Variants in CHN2 observed in about 807,000 individuals in gnomAD.
CHN2 encodes the protein chimerin 2, also known as beta-chimaerin.
In CHN2, 35 loss-of-function variants were observed where a neutral mutation model predicts 56.3. The observed-to-expected ratio is 0.62, with a 90% confidence interval of 0.47 to 0.82. The LOEUF is 0.82. CHN2 is among the 40% of genes least tolerant of loss of function. The probability of loss-of-function intolerance (pLI) is 0.00; values close to 1 mark genes in which losing one functional copy is unlikely to be tolerated. For missense variants in CHN2, 491 were observed against 580.5 expected (o/e 0.85, Z 1.58); for synonymous variants, 210 against 212.8 (o/e 0.99, Z 0.12).
At chr7:29,315,277 T>C (rs1794880818) in intron 1 of CHN2, among the ~76,000 whole-genome samples, 1 of 152,180 alleles carries the variant, frequency 6.6e-6, no homozygotes, top group Non-Finnish European at 1.5e-5. Context: ...GCCTGGCAAA[T>C]CCTGCTTATT....
rs5883217 is a variant in CHN2, at chr7:29,494,950, T to TAAAAA, written c.655-975_655-971dup. On this transcript the variant is annotated intron_variant, in intron 7 of 12. Transcript: ENST00000222792. ...TTTTTTGTTAAATAAAAGCAGTTTG[T>TAAAAA]AAAAAAAAAAAAAAAAAAAAAAAAA... Among the ~76,000 whole-genome samples the TAAAAA allele has an allele frequency of 9.1e-4, 59 of 64,644 alleles. 2 individuals are homozygous for TAAAAA. The highest frequency in any genetic ancestry group is 7.6e-3 in the South Asian group (8 of 1,052). The allele number at this position is 64,644 out of a possible 152,430, so 42.4% of individuals were successfully genotyped here.
At chr7:29,290,028 G>C (rs1435194873) in intron 1 of CHN2, among the ~76,000 whole-genome samples, 6 of 152,236 alleles carry the variant, frequency 3.9e-5, no homozygotes, top group African/African-American at 7.2e-5. Context: ...AAAGCAGTTT[G>C]TTTGAAGTTC....
Position 29,400,598 on chromosome 7 carries a change from G to T in CHN2, c.346G>T (p.Gly116Cys). Reference protein sequence around the residue: ...RLFHDGKHFVGEKRFESIHDL... With the variant: ...RLFHDGKHFVCEKRFESIHDL... ...CTTCCACGACGGGAAACACTTTGTGGGTGAGAAGAGGTTTGAGTCGATTCA... is the reference window on the plus strand; with the variant it reads ...CTTCCACGACGGGAAACACTTTGTGTGTGAGAAGAGGTTTGAGTCGATTCA... Residue 116 changes from glycine to cysteine, a missense_variant, in exon 6 of 13, where the codon GGT becomes TGT. Transcript: ENST00000222792. The T allele has an allele frequency of 6.2e-7, 1 of 1,614,150 alleles. No homozygotes were observed. Among genetic ancestry groups the T allele is most frequent in the South Asian group, 1.1e-5 (1 of 91,080 alleles).
At chr7:29,268,283 A>ACACACACACACAC (rs1790307124) in intron 1 of CHN2, among the ~76,000 whole-genome samples, 2 of 134,170 alleles carry the variant, frequency 1.5e-5, no homozygotes, top group East Asian at 2.6e-4. Flanking sequence ...GCTTCACCAG[A>ACACACACACACAC]ACACACACAC....
intron 1 of CHN2, among the ~76,000 whole-genome samples, chr7:29,246,942 G>T (rs1488624602): frequency 6.6e-6 from 1 of 152,196 alleles, no homozygotes; most frequent in Non-Finnish European, 1.5e-5. Flanking sequence ...GTTAGGATTT[G>T]GCAGACACAC....
intron 6 of CHN2, among the ~76,000 whole-genome samples, chr7:29,422,583 T>C (rs1363551413): frequency 1.3e-5 from 2 of 152,220 alleles, no homozygotes; most frequent in African/African-American, 4.8e-5. Flanking sequence ...CAGTTGCTGA[T>C]GTTTTGAAAA....
In CHN2 at chr7:29,273,293, T is replaced by C. The variant is rs186261089; in HGVS notation, c.49+78303T>C. Among the ~76,000 whole-genome samples, 608 of 143,766 alleles carry C rather than the reference T, an allele frequency of 4.2e-3. 3 individuals are homozygous for C. The highest frequency in any genetic ancestry group is 0.015 in the African/African-American group (581 of 38,858). 94.3% of individuals were successfully genotyped at this position (143,766 alleles called of 152,430 possible). ...CCATGATGTGGCAAATGGAAGGATC[T>C]CCTTTTCTAAGGCTGAATAATATTC... On this transcript the variant is annotated intron_variant, in intron 1 of 12. Transcript: ENST00000222792.
At chr7:29,152,409 CT>C (rs1169012370) in intron 2 of CHN2, among the ~76,000 whole-genome samples, 9 of 152,160 alleles carry the variant, frequency 5.9e-5, no homozygotes, top group African/African-American at 2.2e-4. Context: ...TCTCTTTGTT[CT>C]CTATTCTCAG....
intron 2 of CHN2, among the ~76,000 whole-genome samples, chr7:29,153,913 C>T (rs965522913): frequency 6.6e-6 from 1 of 151,954 alleles, no homozygotes; most frequent in African/African-American, 2.4e-5. Flanking sequence ...CTCTAGCTTA[C>T]TTTCTTGTAA....
chr7:29,244,831 A>G (rs1183759594), intron 1 of CHN2, among the ~76,000 whole-genome samples: 2 of 152,186 alleles, frequency 1.3e-5, no homozygotes, highest in Non-Finnish European at 2.9e-5. Flanking sequence ...CTCTCCCTCT[A>G]TATAAACCTT....
intron 9 of CHN2, among the ~76,000 whole-genome samples, chr7:29,502,692 T>C (rs949539828): frequency 6.6e-6 from 1 of 152,150 alleles, no homozygotes; most frequent in African/African-American, 2.4e-5. Flanking sequence ...ATTACCCCCA[T>C]TTAATTATAA....
At chr7:29,177,520 C>T (rs1797508545) in intron 2 of CHN2, among the ~76,000 whole-genome samples, 1 of 151,256 alleles carries the variant, frequency 6.6e-6, no homozygotes, top group Non-Finnish European at 1.5e-5. Context: ...TCCCACAGTG[C>T]TGGGATTACA....
At chr7:29,371,401 A>G (rs531355325) in intron 3 of CHN2, among the ~76,000 whole-genome samples, 2 of 152,298 alleles carry the variant, frequency 1.3e-5, no homozygotes, top group South Asian at 2.1e-4. Context: ...CTGCAAATTA[A>G]TATTTATTGG....
chr7:29,250,488 G>T (rs1788405534), intron 1 of CHN2, among the ~76,000 whole-genome samples: 1 of 152,166 alleles, frequency 6.6e-6, no homozygotes, highest in Non-Finnish European at 1.5e-5. Context: ...AGCAACAGAG[G>T]TGTCTGATGT....
intron 1 of CHN2, among the ~76,000 whole-genome samples, chr7:29,223,527 A>G (rs1047385806): frequency 1.3e-5 from 2 of 152,104 alleles, no homozygotes; most frequent in Non-Finnish European, 1.5e-5. Flanking sequence ...TTACTTATGT[A>G]CACTTTCATA....
At chr7:29,148,163 G>A (rs1793036379) in intron 2 of CHN2, among the ~76,000 whole-genome samples, 1 of 152,218 alleles carries the variant, frequency 6.6e-6, no homozygotes. Context: ...AGCAGGCTCA[G>A]TGCCATTTGG....
intron 6 of CHN2, among the ~76,000 whole-genome samples, chr7:29,456,601 C>A (rs1196409658): frequency 7.6e-6 from 1 of 131,540 alleles, no homozygotes; most frequent in Non-Finnish European, 1.6e-5. Flanking sequence ...CTGCCCCTGC[C>A]ACCACCCGCC....
chr7:29,492,236 C>T (rs1487168602), intron 7 of CHN2, among the ~76,000 whole-genome samples: 2 of 152,116 alleles, frequency 1.3e-5, no homozygotes, highest in Non-Finnish European at 2.9e-5. Context: ...TCTATTTTTA[C>T]CTATTTCTCC....
intron 1 of CHN2, among the ~76,000 whole-genome samples, chr7:29,238,050 C>T (rs1233212097): frequency 7.5e-6 from 1 of 133,244 alleles, no homozygotes; most frequent in Non-Finnish European, 1.6e-5. Context: ...AGGAGTGTCA[C>T]TCTGTCACCC....
Sources: allele counts gnomAD v4.1 joint callset (sites outside exome capture counted in the v4.1 genomes callset), GRCh38; gene constraint gnomAD v4.1.1; transcripts MANE v1.5; gene names NCBI Gene and HGNC (gene_info 2026-07-23, HGNC 2026-07-21).